NUMB: variants seen among roughly 807,000 people sequenced by gnomAD.
NUMB encodes protein numb homolog.
NUMB carries 29 observed loss-of-function variants against 59.7 expected under a neutral mutation model. The observed-to-expected ratio is 0.49, with a 90% CI of 0.36 to 0.66. NUMB has a LOEUF of 0.66. Among genes scored for constraint, NUMB ranks in the 30% least tolerant of loss-of-function variants. The pLI, the probability that NUMB is intolerant of heterozygous loss-of-function variation, is 0.00. For synonymous variants in NUMB, 288 were observed against 288.2 expected, an observed-to-expected ratio of 1.00 and a Z score of 0.01; for missense variants, 723 against 822.0, an observed-to-expected ratio of 0.88 and a Z score of 1.47.
intron 1 of NUMB, among the ~76,000 whole-genome samples, chr14:73,440,698 G>A (rs78502395): frequency 0.16 from 23,668 of 151,518 alleles, 2,677 homozygotes; most frequent in Non-Finnish European, 0.23. Context: ...GGGTGTGGTG[G>A]CAGGTGCCTA....
intron 1 of NUMB, among the ~76,000 whole-genome samples, chr14:73,424,366 C>T (rs923026743): frequency 3.3e-5 from 5 of 152,018 alleles, no homozygotes; most frequent in Non-Finnish European, 4.4e-5. Context: ...ATTCTGACAA[C>T]GAATTAACAT....
chr14:73,357,393 ACT>A lies in NUMB; in HGVS notation c.-15-1629_-15-1628del, dbSNP rs200517316. 7.8e-3 allele frequency among the ~76,000 whole-genome samples: 1,027 copies of A among 131,050 alleles called. 5 individuals carry two copies. Among genetic ancestry groups the A allele is most frequent in the South Asian group, 0.037 (137 of 3,696 alleles). 86.0% of individuals were successfully genotyped at this position (131,050 alleles called of 152,430 possible). A position where few individuals can be genotyped will look rare whatever the true frequency, so the allele number is the denominator to read the frequency against. On this transcript the variant is annotated intron_variant, in intron 3 of 12. Transcript: ENST00000555238. ...ACTCCAGCCTAGGCAAAAGAGAGAA[ACT>A]CTGTCAAAAAAAAAAAAAGAAAGAA... is the stretch of plus-strand genomic sequence containing the variant.
intron 3 of NUMB, among the ~76,000 whole-genome samples, chr14:73,361,521 G>A (rs1315346753): frequency 1.3e-5 from 2 of 151,408 alleles, no homozygotes. Flanking sequence ...AGGTAAACAC[G>A]TGTCATGGGG....
intron 1 of NUMB, among the ~76,000 whole-genome samples, chr14:73,443,399 C>G (rs1241738575): frequency 6.6e-6 from 1 of 151,708 alleles, no homozygotes; most frequent in African/African-American, 2.4e-5. Context: ...AGTTCCAGAC[C>G]AGCCTGGCCA....
intron 6 of NUMB, among the ~76,000 whole-genome samples, chr14:73,313,762 C>T (rs117051543): frequency 0.033 from 4,928 of 149,156 alleles, 130 homozygotes; most frequent in Non-Finnish European, 0.053. Flanking sequence ...TTAAATATTT[C>T]CAAATAAATA....
intron 3 of NUMB, among the ~76,000 whole-genome samples, chr14:73,361,688 C>T (rs1299190332): frequency 6.6e-6 from 1 of 151,940 alleles, no homozygotes; most frequent in Non-Finnish European, 1.5e-5. Context: ...TAGCTCCCAT[C>T]AATTGTTAAT....
chr14:73,278,631 C>A (rs995429490), intron 12 of NUMB, among the ~76,000 whole-genome samples: 1 of 11,674 alleles, frequency 8.6e-5, no homozygotes, highest in African/African-American at 3.7e-4. Context: ...TGTAGGCCTC[C>A]TATTGTAGGA....
chr14:73,372,362 CTT>C (rs1894746762), intron 2 of NUMB, among the ~76,000 whole-genome samples: 1 of 49,032 alleles, frequency 2.0e-5, no homozygotes, highest in African/African-American at 6.7e-5. Flanking sequence ...TATATATAAC[CTT>C]TTATATATAT....
chr14:73,359,728 G>A (rs553536204), intron 3 of NUMB, among the ~76,000 whole-genome samples: 1 of 152,204 alleles, frequency 6.6e-6, no homozygotes, highest in East Asian at 1.9e-4. Flanking sequence ...GAGAAAAAAT[G>A]CCACTGAAAA....
intron 2 of NUMB, among the ~76,000 whole-genome samples, chr14:73,397,782 T>C (rs1056333338): frequency 6.6e-6 from 1 of 152,238 alleles, no homozygotes; most frequent in Non-Finnish European, 1.5e-5. Context: ...CATTCATATA[T>C]GTGTCTATAA....
chr14:73,324,408 T>G (rs1188340676), intron 4 of NUMB, among the ~76,000 whole-genome samples: 2 of 152,080 alleles, frequency 1.3e-5, no homozygotes, highest in Non-Finnish European at 2.9e-5. Flanking sequence ...CATAATAAAT[T>G]TTGCCTTTTT....
chr14:73,458,102 A>G (rs74061135), intron 1 of NUMB: 9,077 of 151,582 alleles, frequency 0.06, 757 homozygotes, highest in African/African-American at 0.19. Flanking sequence ...CCCGCCCTTG[A>G]AGCAGGTCGT....
intron 3 of NUMB, among the ~76,000 whole-genome samples, chr14:73,359,163 G>A (rs575919466): frequency 1.3e-5 from 2 of 152,216 alleles, no homozygotes; most frequent in Non-Finnish European, 2.9e-5. Context: ...TTGGAAAAAC[G>A]AAAACACATA....
intron 2 of NUMB, among the ~76,000 whole-genome samples, chr14:73,406,956 T>C (rs1314896804): frequency 6.6e-6 from 1 of 152,108 alleles, no homozygotes; most frequent in Non-Finnish European, 1.5e-5. Flanking sequence ...ATTCTCCCAC[T>C]TTAGCCTCCA....
chr14:73,313,668 G>GAA lies in NUMB; in HGVS notation c.234+2720_234+2721dup, dbSNP rs10582204. On this transcript the variant is annotated intron_variant, in intron 6 of 12. Transcript: ENST00000555238. ...TATATATGCAAATATTCCAAAATCT[G>GAA]AAAAAAAAAAAAAAAAATCCAAAAT... is the stretch of plus-strand genomic sequence containing the variant. Among the ~76,000 whole-genome samples the GAA allele has an allele frequency of 1.5e-3, 190 of 124,104 alleles. 9 individuals carry two copies. Among genetic ancestry groups the GAA allele is most frequent in the African/African-American group, 5.2e-3 (160 of 30,960 alleles). 81.4% of individuals were successfully genotyped at this position (124,104 alleles called of 152,430 possible).
intron 4 of NUMB, among the ~76,000 whole-genome samples, chr14:73,335,634 TTC>T (rs1329608106): frequency 1.3e-5 from 2 of 152,252 alleles, no homozygotes; most frequent in African/African-American, 4.8e-5. Context: ...TGGAATTTCA[TTC>T]TTAGATGAAT....
At chr14:73,373,805 C>G (rs1894816986) in intron 2 of NUMB, among the ~76,000 whole-genome samples, 1 of 150,028 alleles carries the variant, frequency 6.7e-6, no homozygotes, top group African/African-American at 2.5e-5. Context: ...TTGGGCTCAA[C>G]AGATCTTCCC....
intron 2 of NUMB, among the ~76,000 whole-genome samples, chr14:73,368,185 T>C (rs961940485): frequency 3.9e-5 from 6 of 152,122 alleles, no homozygotes; most frequent in Admixed American, 6.6e-5. Flanking sequence ...CGGAAAGTGG[T>C]CACAGAGTAT....
intron 6 of NUMB, among the ~76,000 whole-genome samples, chr14:73,304,668 G>C (rs912654285): frequency 6.6e-6 from 1 of 152,104 alleles, no homozygotes; most frequent in Non-Finnish European, 1.5e-5. Context: ...TGATATACAT[G>C]GTAGGTGGAA....
Sources: allele counts gnomAD v4.1 joint callset (sites outside exome capture counted in the v4.1 genomes callset), GRCh38; gene constraint gnomAD v4.1.1; transcripts MANE v1.5; gene names NCBI Gene and HGNC (gene_info 2026-07-23, HGNC 2026-07-21).